DNM2: variants seen among roughly 807,000 people sequenced by gnomAD.
DNM2 encodes dynamin-2.
DNM2 carries 15 observed loss-of-function variants against 99.0 expected under a neutral mutation model. The ratio of observed to expected loss-of-function variants is 0.15; its 90% CI spans 0.10 to 0.23. The LOEUF (loss-of-function observed/expected upper bound fraction) is 0.23, where lower values mean the gene tolerates loss of function less well. Among genes scored for constraint, DNM2 ranks in the 10% least tolerant of loss-of-function variants. DNM2 has a pLI of 1.00. For synonymous variants in DNM2, 525 were observed against 481.2 expected (o/e 1.09, Z -1.19); for missense variants, 742 against 1,189.4 (o/e 0.62, Z 5.53).
At chr19:10,800,503 A>G (rs902811876) in intron 11 of DNM2, among the ~76,000 whole-genome samples, 1 of 152,242 alleles carries the variant, frequency 6.6e-6, no homozygotes, top group East Asian at 1.9e-4. Context: ...CCATGCTGCC[A>G]GGCCGGATCT....
At position 10,802,303 on chromosome 19, in the gene DNM2, G is replaced by C. The variant is rs764027808; in HGVS notation, c.1438G>C (p.Asp480His). The change falls in exon 12 of 21, where the codon GAC becomes CAC. Residue 480 changes from aspartate to histidine, a missense_variant. Coordinates refer to ENST00000389253, the MANE Select transcript of DNM2 (RefSeq NM_001005361.3). ...RTKDQILLLI[D>H]IEQSYINTNH... The stretch of plus-strand genomic sequence containing the variant: ...TCTCCCCCAGATTCTTCTGCTGATC[G>C]ACATTGAGCAGTCCTACATCAACAC... 1 of 1,614,070 alleles carries C rather than the reference G, an allele frequency of 6.2e-7. No homozygotes were observed.
At chr19:10,726,093 C>CCTA (rs2069104884) in intron 1 of DNM2, among the ~76,000 whole-genome samples, 1 of 151,982 alleles carries the variant, frequency 6.6e-6, no homozygotes, top group South Asian at 2.1e-4. Flanking sequence ...GTGGCTCTCA[C>CCTA]CTGTAGTCCC....
chr19:10,805,930 G>A lies in DNM2; in HGVS notation c.1508G>A (p.Ser503Asn). ...TTTGGTTTCAGTGCCCAGCAGAGGA[G>A]CACGCAGCTGAACAAGAAGAGAGCC... ...FIGFANAQQR[S>N]TQLNKKRAIP... The change falls in exon 13 of 21, where the codon AGC becomes AAC. Residue 503 changes from serine (S) to asparagine (N), a missense_variant. Around this residue, in one of 7 missense-constraint regions of DNM2, gnomAD observed 240 missense variants for 431.3 expected, o/e 0.56. Transcript: ENST00000389253. 6.2e-7 allele frequency: 1 copy of A among 1,614,158 alleles called. No individual in the cohort carries two copies. The highest frequency in any genetic ancestry group is 8.5e-7 in the Non-Finnish European group (1 of 1,180,036).
In DNM2 at chr19:10,795,516, C is replaced by G; in HGVS notation, c.1196+77C>G. ...CCCCCAGCTAATTGGGTCACCCACA[C>G]CTCTGAGTCCCTAATCGTTAGGCCT... On this transcript the variant is annotated intron_variant, in intron 9 of 20. Coordinates refer to ENST00000389253, the MANE Select transcript of DNM2 (RefSeq NM_001005361.3). The surrounding 1 kb of genome is among the most constrained non-coding windows in gnomAD (Gnocchi z 4.2). 1 of 1,518,848 alleles carries G rather than the reference C, an allele frequency of 6.6e-7. No homozygotes were observed. Among genetic ancestry groups the G allele is most frequent in the Non-Finnish European group, 9.1e-7 (1 of 1,095,668 alleles). The allele number at this position is 1,518,848 out of a possible 1,614,324, so 94.1% of individuals were successfully genotyped here.
chr19:10,725,031 C>T (rs115787956), intron 1 of DNM2, among the ~76,000 whole-genome samples: 7 of 152,286 alleles, frequency 4.6e-5, no homozygotes, highest in South Asian at 2.1e-4. Flanking sequence ...TGGAGGGGCA[C>T]GTGATGTGTT....
At chr19:10,718,622 G>A (rs1470461708) in intron 1 of DNM2, 15 of 581,538 alleles carry the variant, frequency 2.6e-5, no homozygotes, top group Middle Eastern at 1.1e-3. Flanking sequence ...GCGGTGTCAC[G>A]GGCCAGGGCG....
In DNM2 at chr19:10,811,911, C is replaced by T. The variant is rs765485323; in HGVS notation, c.1558-353C>T. 4 of 459,224 alleles carry T rather than the reference C, an allele frequency of 8.7e-6. No individual in the cohort carries two copies. The highest frequency in any genetic ancestry group is 1.5e-5 in the South Asian group (1 of 64,784). 28.4% of individuals were successfully genotyped at this position (459,224 alleles called of 1,614,324 possible). Reference sequence around the variant, plus strand: ...ATGCTACCCTTGGAACCTTATCTCACGCAAACAAGTGCAGTTCCTCAGATG... The same window carrying T: ...ATGCTACCCTTGGAACCTTATCTCATGCAAACAAGTGCAGTTCCTCAGATG... On this transcript the variant is annotated intron_variant, in intron 14 of 20. Transcript: ENST00000389253. This position sits in a 1 kb window ranked among gnomAD's most constrained non-coding sequence, Gnocchi z 5.4.
chr19:10,823,884 C>T lies in DNM2; in HGVS notation c.1878C>T (p.Tyr626=), dbSNP rs2146181583. ...WKASFLRAGV[Y]PEKDQAENED... is the part of the protein sequence containing the mutation. Reference sequence around the variant, plus strand: ...CCTCGTTCCTCCGAGCTGGCGTCTACCCCGAGAAGGACCAGGTGAGGAGCC... The same window carrying T: ...CCTCGTTCCTCCGAGCTGGCGTCTATCCCGAGAAGGACCAGGTGAGGAGCC... The change falls in exon 17 of 21, where the codon TAC becomes TAT. Residue 626 remains tyrosine (Y), a synonymous_variant. Coordinates refer to ENST00000389253, the MANE Select transcript of DNM2 (RefSeq NM_001005361.3). 6.2e-7 allele frequency: 1 copy of T among 1,613,742 alleles called. No homozygotes were observed. Among genetic ancestry groups the T allele is most frequent in the South Asian group, 1.1e-5 (1 of 91,076 alleles).
chr19:10,762,696 T>G (rs2070674508), intron 2 of DNM2, among the ~76,000 whole-genome samples: 1 of 152,182 alleles, frequency 6.6e-6, no homozygotes, highest in Admixed American at 6.5e-5. Context: ...CAAGGCTTCC[T>G]GACCACTTGC....
intron 1 of DNM2, among the ~76,000 whole-genome samples, chr19:10,739,717 G>A (rs2069668806): frequency 6.6e-6 from 1 of 151,948 alleles, no homozygotes; most frequent in South Asian, 2.1e-4. Flanking sequence ...TTAGCTGGGT[G>A]TAGTGGCACA....
At chr19:10,829,813 T>C (rs1022740123) in intron 19 of DNM2, among the ~76,000 whole-genome samples, 1 of 152,124 alleles carries the variant, frequency 6.6e-6, no homozygotes, top group Non-Finnish European at 1.5e-5. Flanking sequence ...GGAATCTGGA[T>C]GTCTGGACAG....
intron 1 of DNM2, among the ~76,000 whole-genome samples, chr19:10,730,347 A>G (rs1245288276): frequency 1.3e-5 from 2 of 152,162 alleles, no homozygotes; most frequent in Non-Finnish European, 2.9e-5. Flanking sequence ...GTGGTGGTGC[A>G]TGCCTGTACT....
At chr19:10,731,535 G>A (rs2069318144) in intron 1 of DNM2, among the ~76,000 whole-genome samples, 1 of 152,048 alleles carries the variant, frequency 6.6e-6, no homozygotes, top group African/African-American at 2.4e-5. Flanking sequence ...TGTATTTTTA[G>A]TAGAGATGGG....
chr19:10,776,143 A>C (rs1224897858), intron 4 of DNM2, among the ~76,000 whole-genome samples: 1 of 152,086 alleles, frequency 6.6e-6, no homozygotes, highest in Non-Finnish European at 1.5e-5. Context: ...ATGTTGCCAG[A>C]GTGGGAAGCT....
intron 17 of DNM2, 154 bp downstream of exon 17, chr19:10,824,053 T>C (rs2073067749): frequency 1.1e-5 from 8 of 700,112 alleles, no homozygotes; most frequent in South Asian, 3.3e-5. Context: ...AAAGGAGAAA[T>C]TGGGGGTACT....
intron 1 of DNM2, among the ~76,000 whole-genome samples, chr19:10,726,134 G>T (rs1437163153): frequency 6.6e-6 from 1 of 151,648 alleles, no homozygotes; most frequent in Admixed American, 6.6e-5. Flanking sequence ...CAGGAGAATC[G>T]CTTGAACCTG....
In DNM2 at chr19:10,770,187, A is replaced by G. The variant is rs140781317; in HGVS notation, c.236-2292A>G. On this transcript the variant is annotated intron_variant, in intron 2 of 20. Transcript: ENST00000389253. Reference sequence around the variant, plus strand: ...CCTCACACTCTTCTTTCTGCCTTGAAGATTCTAGACCTGGCTGGGTGTTCA... The same window carrying G: ...CCTCACACTCTTCTTTCTGCCTTGAGGATTCTAGACCTGGCTGGGTGTTCA... Among the ~76,000 whole-genome samples, 21 of 152,302 alleles carry G rather than the reference A, an allele frequency of 1.4e-4. No homozygotes were observed. The East Asian group carries it at 3.5e-3, about 25-fold the overall frequency.
In DNM2 at chr19:10,759,751, C is replaced by T. The variant is rs1203982104; in HGVS notation, c.175C>T (p.Arg59Cys). The change falls in exon 2 of 21, where the codon CGC becomes TGC. Residue 59 changes from arginine to cysteine, a missense_variant. By Grantham distance (180) the Arg-to-Cys change is radical. Around this residue, in one of 7 missense-constraint regions of DNM2, gnomAD observed 192 missense variants for 358.9 expected, o/e 0.54. Coordinates refer to ENST00000389253, the MANE Select transcript of DNM2 (RefSeq NM_001005361.3). ...CCCCCCTCACAGGGACTTCCTTCCC[C>T]GCGGTTCAGGAATCGTCACCCGGCG... is the stretch of plus-strand genomic sequence containing the variant. ...ENFVGRDFLP[R>C]GSGIVTRRPL... is the part of the protein sequence containing the mutation. The T allele has an allele frequency of 1.9e-6, 3 of 1,614,014 alleles. No homozygotes were observed. Among genetic ancestry groups the T allele is most frequent in the Non-Finnish European group, 2.5e-6 (3 of 1,180,026 alleles).
intron 10 of DNM2, among the ~76,000 whole-genome samples, chr19:10,797,938 G>A (rs1381116566): frequency 6.6e-6 from 1 of 152,148 alleles, no homozygotes; most frequent in African/African-American, 2.4e-5. Context: ...CAGAAGATGG[G>A]ACTCCCCTGT....
Sources: allele counts gnomAD v4.1 joint callset (sites outside exome capture counted in the v4.1 genomes callset), GRCh38; gene constraint gnomAD v4.1.1; regional missense constraint gnomAD v4.1.1; non-coding constraint Gnocchi (gnomAD v3.1); transcripts MANE v1.5; gene names NCBI Gene and HGNC (gene_info 2026-07-23, HGNC 2026-07-21).